Variants in TENM3 observed in about 807,000 individuals in gnomAD.
TENM3 encodes the protein teneurin-3.
Under a neutral mutation model 255.1 loss-of-function variants are expected in TENM3, and 63 were observed. That is an observed-to-expected ratio of 0.25 (90% CI 0.20 to 0.30). TENM3 has a LOEUF of 0.30. Among genes scored for constraint, TENM3 ranks in the 10% least tolerant of loss-of-function variants. TENM3 has a pLI of 1.00. For synonymous variants in TENM3, 1,306 were observed against 1,322.3 expected, an observed-to-expected ratio of 0.99 and a Z score of 0.27; for missense variants, 2,929 against 3,461.1, an observed-to-expected ratio of 0.85 and a Z score of 3.86.
chr4:182,373,911 T>C (rs1767009697), intron 3 of TENM3, among the ~76,000 whole-genome samples: 1 of 152,138 alleles, frequency 6.6e-6, no homozygotes, highest in Middle Eastern at 3.2e-3. Flanking sequence ...TTTGTGAAAA[T>C]ACTGTTATCC....
At chr4:182,286,437 C>T (rs545060903) in intron 1 of TENM3, among the ~76,000 whole-genome samples, 3 of 152,320 alleles carry the variant, frequency 2.0e-5, no homozygotes, top group African/African-American at 7.2e-5. Context: ...GAGCATACCC[C>T]TTCTTTGGTT....
Position 182,792,653 on chromosome 4 carries a change from G to C in TENM3, c.5981G>C (p.Arg1994Thr), listed in dbSNP as rs1766201227. 1 of 1,613,838 alleles carries C rather than the reference G, an allele frequency of 6.2e-7. No homozygotes were observed. The highest frequency in any genetic ancestry group is 1.1e-5 in the South Asian group (1 of 91,076). Residue 1994 changes from arginine (R) to threonine (T), a missense_variant, in exon 26 of 28, where the codon AGG (arginine) becomes ACG (threonine). Around this residue, in one of 6 missense-constraint regions of TENM3, gnomAD observed 303 missense variants for 425.2 expected, o/e 0.71. Transcript: ENST00000511685. This position sits in a 1 kb window ranked among gnomAD's most constrained non-coding sequence, Gnocchi z 6.3. ...SDGFICTIRY[R>T]QIGPLIDRQI... ...GGTTTTATTTGCACCATTAGATACA[G>C]GCAAATTGGTCCCCTGATTGACAGG...
intron 3 of TENM3, among the ~76,000 whole-genome samples, chr4:182,530,294 A>G (rs899951383): frequency 6.6e-6 from 1 of 152,150 alleles, no homozygotes; most frequent in Admixed American, 6.5e-5. Flanking sequence ...TGCCTCTCCA[A>G]AGTATTGTGT....
the TENM3 span, among the ~76,000 whole-genome samples, chr4:181,650,061 G>A: frequency 1.3e-5 from 2 of 152,174 alleles, no homozygotes; most frequent in Non-Finnish European, 2.9e-5. Flanking sequence ...GAGCATATGT[G>A]CTTCTGATTA....
chr4:182,363,634 C>T (rs541622684), intron 3 of TENM3, among the ~76,000 whole-genome samples: 1 of 151,810 alleles, frequency 6.6e-6, no homozygotes, highest in Admixed American at 6.6e-5. Flanking sequence ...AATATGTATA[C>T]AAAAGGTAAC....
At chr4:182,174,860 AT>A (rs1752356494) in intron 1 of TENM3, among the ~76,000 whole-genome samples, 2 of 152,252 alleles carry the variant, frequency 1.3e-5, no homozygotes, top group South Asian at 4.1e-4. Flanking sequence ...AGGGAAAAAC[AT>A]TTTTATTTCA....
chr4:182,224,298 C>G lies in TENM3; in HGVS notation c.-76+79544C>G, dbSNP rs541208378. Among the ~76,000 whole-genome samples the G allele has an allele frequency of 7.9e-5, 12 of 152,232 alleles. 1 individual carries two copies. The South Asian group carries it at 2.5e-3, about 32-fold the overall frequency. On this transcript the variant is annotated intron_variant, in intron 1 of 2. Coordinates refer to the TENM3 transcript ENST00000512480. ...CAACGTATGGAAAAGGAAATCCTGGCTTTGCTAATTTTACCAGGGAGAGTA... is the reference window on the plus strand; with the variant it reads ...CAACGTATGGAAAAGGAAATCCTGGGTTTGCTAATTTTACCAGGGAGAGTA...
chr4:181,883,959 A>G, the TENM3 span, among the ~76,000 whole-genome samples: 1 of 152,194 alleles, frequency 6.6e-6, no homozygotes, highest in Non-Finnish European at 1.5e-5. Context: ...AAGGTTCCCC[A>G]TTAATGAATG....
At chr4:181,609,104 A>T in the TENM3 span, among the ~76,000 whole-genome samples, 9 of 146,162 alleles carry the variant, frequency 6.2e-5, no homozygotes, top group African/African-American at 1.9e-4. Context: ...AAGTAAGGGG[A>T]AAAAAAGGAG....
chr4:182,572,892 C>T (rs1347218387), intron 3 of TENM3, among the ~76,000 whole-genome samples: 1 of 152,116 alleles, frequency 6.6e-6, no homozygotes, highest in African/African-American at 2.4e-5. Context: ...GTCACAGACT[C>T]AGGCTGGCAG....
At chr4:182,299,195 T>C (rs114044118) in intron 1 of TENM3, among the ~76,000 whole-genome samples, 3,396 of 151,928 alleles carry the variant, frequency 0.022, 56 homozygotes, top group Non-Finnish European at 0.032. Context: ...TTTCTCCTAG[T>C]ATTATTAACA....
At chr4:181,998,975 T>G in the TENM3 span, among the ~76,000 whole-genome samples, 1 of 152,166 alleles carries the variant, frequency 6.6e-6, no homozygotes, top group African/African-American at 2.4e-5. Context: ...CATCATTCAC[T>G]CCTGGAACAA....
intron 3 of TENM3, among the ~76,000 whole-genome samples, chr4:182,560,957 G>C (rs1025625024): frequency 8.5e-5 from 13 of 152,150 alleles, no homozygotes; most frequent in Admixed American, 2.0e-4. Context: ...GTGTAGGATA[G>C]AGTACATCCA....
the TENM3 span, among the ~76,000 whole-genome samples, chr4:181,558,060 G>A: frequency 6.6e-6 from 1 of 152,136 alleles, no homozygotes; most frequent in Non-Finnish European, 1.5e-5. Context: ...CAAAGCAGTT[G>A]GGAGATGTGA....
chr4:182,485,090 A>G (rs989482731), intron 3 of TENM3, among the ~76,000 whole-genome samples: 1 of 152,154 alleles, frequency 6.6e-6, no homozygotes. Flanking sequence ...AAGGTATACC[A>G]TGTTCCTTGC....
chr4:182,704,822 CTTTTT>C (rs201275276), intron 12 of TENM3, among the ~76,000 whole-genome samples: 3 of 124,150 alleles, frequency 2.4e-5, no homozygotes, highest in Non-Finnish European at 1.7e-5. Flanking sequence ...TACACACAAA[CTTTTT>C]TTTTTTTTTT....
chr4:182,435,606 T>A (rs1174339854), intron 3 of TENM3, among the ~76,000 whole-genome samples: 2 of 152,212 alleles, frequency 1.3e-5, no homozygotes, highest in Admixed American at 6.5e-5. Flanking sequence ...CTTGCCTGCC[T>A]GCCTGCCTTC....
chr4:182,571,719 G>GA (rs1479462815), intron 3 of TENM3, among the ~76,000 whole-genome samples: 1 of 152,074 alleles, frequency 6.6e-6, no homozygotes, highest in East Asian at 1.9e-4. Context: ...AATTTCCACA[G>GA]AAAAATAATT....
chr4:182,261,401 G>A (rs1201680075), intron 1 of TENM3, among the ~76,000 whole-genome samples: 1 of 152,142 alleles, frequency 6.6e-6, no homozygotes, highest in East Asian at 1.9e-4. Context: ...GGCATCGTGA[G>A]GGTGATGTCT....
Sources: gnomAD v4.1 joint callset for allele counts (sites outside exome capture counted in the v4.1 genomes callset) on GRCh38, gnomAD v4.1.1 for gene constraint, gnomAD v4.1.1 regional missense constraint, Gnocchi (gnomAD v3.1) non-coding constraint, MANE v1.5 for transcripts, NCBI Gene and HGNC (gene_info 2026-07-23, HGNC 2026-07-21) for gene names.